The following DYNLT1 variants were observed in gnomAD, a reference collection of about 807,000 sequenced individuals.
DYNLT1 encodes the protein dynein light chain Tctex-type 1.
In DYNLT1, 18 loss-of-function variants were observed where a neutral mutation model predicts 19.6. The observed-to-expected ratio is 0.92, with a 90% CI of 0.64 to 1.36. The LOEUF is 1.36. DYNLT1 is among the 40% of genes most tolerant of loss of function. The pLI is 0.00. For missense variants in DYNLT1, 137 were observed against 139.3 expected (o/e 0.98, Z 0.08); for synonymous variants, 56 against 44.0 (o/e 1.27, Z -1.07).
chr6:158,642,248 G>A (rs746209666), intron 1 of DYNLT1: 9 of 152,230 alleles, frequency 5.9e-5, no homozygotes, highest in Admixed American at 1.3e-4. Context: ...TGACTCAGGA[G>A]GTGGGCTGCC....
intron 2 of DYNLT1, among the ~76,000 whole-genome samples, chr6:158,641,047 G>A (rs1787124693): frequency 6.6e-6 from 1 of 152,088 alleles, no homozygotes; most frequent in Non-Finnish European, 1.5e-5. Context: ...TGTATACCAG[G>A]ATTCTTTTAT....
At chr6:158,641,261 A>C in intron 2 of DYNLT1, 58 bp downstream of exon 2, 1 of 1,478,900 alleles carries the variant, frequency 6.8e-7, no homozygotes, top group Non-Finnish European at 9.1e-7. Flanking sequence ...TTTAAAACAC[A>C]TTATTTTCTC....
intron 3 of DYNLT1, chr6:158,637,484 A>C: frequency 1.6e-6 from 1 of 619,216 alleles, no homozygotes; most frequent in Non-Finnish European, 2.9e-6. Context: ...AAAAATTCTA[A>C]GTTGAGCCAC....
chr6:158,637,677 G>C (rs767918660), intron 3 of DYNLT1, 94 bp downstream of exon 3: 11 of 1,602,116 alleles, frequency 6.9e-6, no homozygotes, highest in Non-Finnish European at 6.8e-6. Context: ...TCCTTGAGTT[G>C]AGCCACGTTA....
At position 158,636,729 on chromosome 6, in the gene DYNLT1, A is replaced by G. The variant is rs1787005688; in HGVS notation, c.*98T>C. ...TCCTCTACATTGTGAAAGTGCCACA[A>G]AACAAAGAGAATGAGAAAAGAGTTC... is the stretch of plus-strand genomic sequence containing the variant. On this transcript the variant is annotated 3_prime_UTR_variant, in exon 5 of 5. Coordinates refer to ENST00000367089, the MANE Select transcript of DYNLT1 (RefSeq NM_006519.4). 2 of 1,394,704 alleles carry G rather than the reference A, an allele frequency of 1.4e-6. No homozygotes were observed. Among genetic ancestry groups the G allele is most frequent in the Admixed American group, 2.2e-5 (1 of 45,556 alleles). The allele number at this position is 1,394,704 out of a possible 1,614,324, so 86.4% of individuals were successfully genotyped here.
chr6:158,644,100 C>T (rs1017412987), intron 1 of DYNLT1, among the ~76,000 whole-genome samples: 1 of 151,894 alleles, frequency 6.6e-6, no homozygotes, highest in African/African-American at 2.4e-5. Flanking sequence ...TTCTTACAGA[C>T]ATATTAAACG....
At position 158,636,723 on chromosome 6, in the gene DYNLT1, G is replaced by A. The variant is rs568998445; in HGVS notation, c.*104C>T. 9.4e-5 allele frequency: 125 copies of A among 1,333,772 alleles called. No homozygotes were observed. In the South Asian group the frequency reaches 1.6e-3, roughly 17 times the overall value. The allele number at this position is 1,333,772 out of a possible 1,614,324, so 82.6% of individuals were successfully genotyped here. A position where few individuals can be genotyped will look rare whatever the true frequency, so the allele number is the denominator to read the frequency against. ...GTTTTTTCCTCTACATTGTGAAAGT[G>A]CCACAAAACAAAGAGAATGAGAAAA... On this transcript the variant is annotated 3_prime_UTR_variant, in exon 5 of 5. Coordinates refer to ENST00000367089, the MANE Select transcript of DYNLT1 (RefSeq NM_006519.4).
chr6:158,642,939 G>A (rs1787168887), intron 1 of DYNLT1, among the ~76,000 whole-genome samples: 1 of 152,220 alleles, frequency 6.6e-6, no homozygotes, highest in Admixed American at 6.5e-5. Flanking sequence ...AAGAGATGCA[G>A]AAAAGGCTGC....
intron 2 of DYNLT1, among the ~76,000 whole-genome samples, chr6:158,638,756 CTT>C (rs1393851039): frequency 1.3e-5 from 2 of 152,214 alleles, no homozygotes; most frequent in Admixed American, 6.5e-5. Context: ...CCCAGCCCAA[CTT>C]TTTTTCTTTA....
At chr6:158,637,084 T>G (rs892019689) in intron 4 of DYNLT1, 44 bp downstream of exon 4, 1 of 1,610,922 alleles carries the variant, frequency 6.2e-7, no homozygotes, top group African/African-American at 1.3e-5. Context: ...TCCAGTCATA[T>G]ATTTCACACA....
chr6:158,637,267 C>G (rs1389501992), intron 3 of DYNLT1, 62 bp from the exon 4 acceptor site: 18 of 1,475,688 alleles, frequency 1.2e-5, no homozygotes, highest in Non-Finnish European at 1.6e-5. Context: ...TCATTCTGTC[C>G]ACTTTTAGCA....
rs2306751 is a variant in DYNLT1, at chr6:158,644,726, C to T, written c.-18G>A. ...TCTTCCATCTTTCCTCCGGCGCGTCCCCTCCGGCTCCCTGAGTGGCGCGGA... is the reference window on the plus strand; with the variant it reads ...TCTTCCATCTTTCCTCCGGCGCGTCTCCTCCGGCTCCCTGAGTGGCGCGGA... On this transcript the variant is annotated 5_prime_UTR_variant, in exon 1 of 5. Coordinates refer to ENST00000367089, the MANE Select transcript of DYNLT1 (RefSeq NM_006519.4). 4 of 1,609,314 alleles carry T rather than the reference C, an allele frequency of 2.5e-6. No homozygotes were observed. Among genetic ancestry groups the T allele is most frequent in the South Asian group, 1.1e-5 (1 of 91,014 alleles).
rs751138165 is a variant in DYNLT1, at chr6:158,641,375, ATTCAG to A, written c.28-20_28-16del. ...ACAAAAGCAGTCTGTAAGGAAGAAC[ATTCAG>A]TTAAGTTTGATTTATTTAAAAGATA... On this transcript the variant is annotated splice_polypyrimidine_tract_variant and intron_variant, in intron 1 of 4. Transcript: ENST00000367089. The A allele has an allele frequency of 7.6e-6, 12 of 1,586,294 alleles. No homozygotes were observed. The South Asian group carries it at 8.2e-5, about 11-fold the overall frequency.
chr6:158,639,678 TTTG>T (rs1787094626), intron 2 of DYNLT1, among the ~76,000 whole-genome samples: 1 of 150,592 alleles, frequency 6.6e-6, no homozygotes, highest in African/African-American at 2.5e-5. Context: ...TGGAAATGTG[TTTG>T]TTTTGTTTTG....
At position 158,636,516 on chromosome 6, in the gene DYNLT1, G is replaced by A. The variant is rs544003862; in HGVS notation, c.*311C>T. The A allele has an allele frequency of 4.6e-5, 14 of 305,882 alleles. No homozygotes were observed. The South Asian group carries it at 5.8e-4, about 13-fold the overall frequency. The allele number at this position is 305,882 out of a possible 1,614,324, so 18.9% of individuals were successfully genotyped here. ...TATTCTAACAAAAGTATAAAGTATGGAAAATTAGTGTATTTGAATCATTTC... is the reference window on the plus strand; with the variant it reads ...TATTCTAACAAAAGTATAAAGTATGAAAAATTAGTGTATTTGAATCATTTC... On this transcript the variant is annotated 3_prime_UTR_variant, in exon 5 of 5. Transcript: ENST00000367089.
intron 2 of DYNLT1, among the ~76,000 whole-genome samples, chr6:158,639,961 G>C (rs1318198207): frequency 6.6e-6 from 1 of 152,172 alleles, no homozygotes; most frequent in Non-Finnish European, 1.5e-5. Flanking sequence ...TGACAGGTGT[G>C]AGCCATCGCG....
At chr6:158,637,443 A>G in intron 3 of DYNLT1, 2 of 617,414 alleles carry the variant, frequency 3.2e-6, no homozygotes, top group Non-Finnish European at 5.8e-6. Flanking sequence ...TTGCAAATGC[A>G]CTTAATACCC....
chr6:158,644,581 CTGAAGGAGG>C, intron 1 of DYNLT1, 92 bp downstream of exon 1: 1 of 1,443,122 alleles, frequency 6.9e-7, no homozygotes, highest in Non-Finnish European at 9.5e-7. Flanking sequence ...ACTGGCCTAG[CTGAAGGAGG>C]TGGGCAGCCA....
intron 1 of DYNLT1, chr6:158,642,191 G>T (rs1012530923): frequency 6.6e-6 from 1 of 152,156 alleles, no homozygotes; most frequent in Non-Finnish European, 1.5e-5. Context: ...CCGACTCCAG[G>T]ACTAACCACC....
Sources: allele counts gnomAD v4.1 joint callset (sites outside exome capture counted in the v4.1 genomes callset), GRCh38; gene constraint gnomAD v4.1.1; transcripts MANE v1.5; gene names NCBI Gene and HGNC (gene_info 2026-07-23, HGNC 2026-07-21).